PPARGC1B: variants seen among roughly 807,000 people sequenced by gnomAD.
PPARGC1B encodes PPARG coactivator 1 beta.
In PPARGC1B, 34 loss-of-function variants were observed where a neutral mutation model predicts 101.6. The observed-to-expected ratio is 0.33, with a 90% CI of 0.25 to 0.45. The LOEUF (loss-of-function observed/expected upper bound fraction) is 0.45, where lower values mean the gene tolerates loss of function less well. Ranked by LOEUF, PPARGC1B falls within the 20% of genes least tolerant of loss-of-function variation. The pLI, the probability that PPARGC1B is intolerant of heterozygous loss-of-function variation, is 1.00. For synonymous variants in PPARGC1B, 548 were observed against 539.3 expected, an observed-to-expected ratio of 1.02 and a Z score of -0.22; for missense variants, 1,234 against 1,317.6, an observed-to-expected ratio of 0.94 and a Z score of 0.98.
intron 1 of PPARGC1B, among the ~76,000 whole-genome samples, chr5:149,764,042 T>C (rs1480369433): frequency 1.3e-5 from 2 of 152,222 alleles, no homozygotes; most frequent in Non-Finnish European, 2.9e-5. Flanking sequence ...GAGTATGGAC[T>C]CTCTTAATGT....
At chr5:149,819,972 T>C (rs1385249486) in intron 1 of PPARGC1B, among the ~76,000 whole-genome samples, 3 of 152,088 alleles carry the variant, frequency 2.0e-5, no homozygotes, top group Non-Finnish European at 4.4e-5. Flanking sequence ...GGAACATGAA[T>C]GGGTGTTTCT....
intron 9 of PPARGC1B, among the ~76,000 whole-genome samples, chr5:149,841,767 G>A (rs374766599): frequency 1.3e-5 from 2 of 152,126 alleles, no homozygotes; most frequent in African/African-American, 2.4e-5. Context: ...TGAAGGTGAC[G>A]CCTTGGTGAC....
chr5:149,746,880 G>T (rs943411133), intron 1 of PPARGC1B, among the ~76,000 whole-genome samples: 7 of 151,978 alleles, frequency 4.6e-5, no homozygotes, highest in African/African-American at 1.7e-4. Flanking sequence ...GTGTTTACTG[G>T]CCATTTGCAT....
At chr5:149,783,101 G>GAGAA (rs1299362797) in intron 1 of PPARGC1B, among the ~76,000 whole-genome samples, 1 of 151,506 alleles carries the variant, frequency 6.6e-6, no homozygotes, top group East Asian at 1.9e-4. Context: ...AAGAGAGAGA[G>GAGAA]AGAGAGAGAT....
intron 1 of PPARGC1B, among the ~76,000 whole-genome samples, chr5:149,816,671 G>A (rs251464): frequency 6.6e-6 from 1 of 152,010 alleles, no homozygotes; most frequent in African/African-American, 2.4e-5. Flanking sequence ...AAGAAGCAAG[G>A]CCTACAAAGG....
intron 11 of PPARGC1B, 84 bp from the exon 12 acceptor site, chr5:149,847,374 T>C: frequency 3.0e-6 from 3 of 1,011,116 alleles, no homozygotes; most frequent in Non-Finnish European, 4.8e-6. Flanking sequence ...TGCCCACTCA[T>C]AGTGGCAGAT....
intron 8 of PPARGC1B, among the ~76,000 whole-genome samples, chr5:149,838,777 C>T (rs1466813213): frequency 1.3e-5 from 2 of 152,198 alleles, no homozygotes; most frequent in Non-Finnish European, 2.9e-5. Flanking sequence ...ATTGGGTAAC[C>T]TGGCTCCTGC....
In PPARGC1B at chr5:149,741,831, T is replaced by C. The variant is rs1754920735; in HGVS notation, c.78+11411T>C. 2.0e-5 allele frequency among the ~76,000 whole-genome samples: 3 copies of C among 152,074 alleles called. No individual in the cohort carries two copies. In the South Asian group the frequency reaches 6.2e-4, roughly 32 times the overall value. On this transcript the variant is annotated intron_variant, in intron 1 of 11. Coordinates refer to ENST00000309241, the MANE Select transcript of PPARGC1B (RefSeq NM_133263.4). ...TTTTAGTAGAGATGGGGTTTCACCA[T>C]GTTGGCTAGGCTGGTCTTGAACTCC...
Position 149,842,327 on chromosome 5 carries a change from T to C in PPARGC1B, c.2766T>C (p.Phe922=). Residue 922 remains phenylalanine (F), a synonymous_variant, in exon 10 of 12, where the codon TTT becomes TTC. Transcript: ENST00000309241. ...DMSSRELKRR[F]EVFGEIEECE... ...GCTCCCGAGAGCTGAAGAGGCGCTT[T>C]GAAGTGTTTGGTGAGATTGAGGAGT... 6.2e-7 allele frequency: 1 copy of C among 1,614,076 alleles called. No individual in the cohort carries two copies. The highest frequency in any genetic ancestry group is 8.5e-7 in the Non-Finnish European group (1 of 1,180,018).
chr5:149,833,141 C>T lies in PPARGC1B; in HGVS notation c.1068C>T (p.Ser356=). ...LLAQDVLCDV[S]KPYRLATPVY... is the part of the protein sequence containing the mutation. ...CTCAAGACGTGCTCTGTGATGTCAG[C>T]AAACCCTACCGTCTGGCCACGCCTG... is the stretch of plus-strand genomic sequence containing the variant. The change falls in exon 5 of 12, where the codon AGC becomes AGT. Residue 356 remains serine (S), a synonymous_variant. Coordinates refer to ENST00000309241, the MANE Select transcript of PPARGC1B (RefSeq NM_133263.4). This position sits in a 1 kb window ranked among gnomAD's most constrained non-coding sequence, Gnocchi z 4.1. 6.2e-7 allele frequency: 1 copy of T among 1,613,778 alleles called. No individual in the cohort carries two copies. The highest frequency in any genetic ancestry group is 8.5e-7 in the Non-Finnish European group (1 of 1,180,036).
In PPARGC1B at chr5:149,837,942, C is replaced by G. The variant is rs930179453; in HGVS notation, c.2618+869C>G. The stretch of plus-strand genomic sequence containing the variant: ...GCGCCTCCACTGGCCGGCCCACACC[C>G]GGGTGTCTGATCTGTAGGTCTGGGG... On this transcript the variant is annotated intron_variant, in intron 8 of 11. Transcript: ENST00000309241. This position sits in a 1 kb window ranked among gnomAD's most constrained non-coding sequence, Gnocchi z 4.2. 6.6e-6 allele frequency among the ~76,000 whole-genome samples: 1 copy of G among 152,052 alleles called. No homozygotes were observed. The highest frequency in any genetic ancestry group is 2.4e-5 in the African/African-American group (1 of 41,384).
intron 9 of PPARGC1B, 32 bp from the exon 10 acceptor site, chr5:149,842,224 C>T (rs577101343): frequency 3.0e-5 from 48 of 1,604,698 alleles, no homozygotes; most frequent in African/African-American, 4.0e-5. Flanking sequence ...CAGGCAATGA[C>T]GGAGTCTCTC....
rs970487486 is a variant in PPARGC1B, at chr5:149,854,127, T to C, written c.*6569T>C. ...TTGGACTCAAATTATTTTCTCTTGG[T>C]GTGACCACACAGCCTAGAGAATTCT... On this transcript the variant is annotated 3_prime_UTR_variant, in exon 12 of 12. Transcript: ENST00000309241. 6 of 152,156 alleles carry C rather than the reference T, an allele frequency of 3.9e-5. No homozygotes were observed. Among genetic ancestry groups the C allele is most frequent in the Admixed American group, 3.9e-4 (6 of 15,278 alleles). The allele number at this position is 152,156 out of a possible 1,614,324, so 9.4% of individuals were successfully genotyped here.
intron 1 of PPARGC1B, among the ~76,000 whole-genome samples, chr5:149,751,287 T>G (rs553970801): frequency 6.6e-6 from 1 of 152,342 alleles, no homozygotes; most frequent in South Asian, 2.1e-4. Flanking sequence ...TTTATTTACT[T>G]TTTTACCTTT....
rs571179724 is a variant in PPARGC1B, at chr5:149,746,691, G to A, written c.78+16271G>A. On this transcript the variant is annotated intron_variant, in intron 1 of 11. Transcript: ENST00000309241. ...GAACCACCATACTGTTTTCCATGGT[G>A]GCTGTACCATTTAACATTCCTACCA... Among the ~76,000 whole-genome samples the A allele has an allele frequency of 2.0e-5, 3 of 152,254 alleles. No homozygotes were observed. The East Asian group carries it at 5.8e-4, about 29-fold the overall frequency.
At chr5:149,737,541 C>T (rs1049905179) in intron 1 of PPARGC1B, among the ~76,000 whole-genome samples, 1 of 152,212 alleles carries the variant, frequency 6.6e-6, no homozygotes, top group Non-Finnish European at 1.5e-5. Context: ...GTTCCATCTT[C>T]TGTGTGGCAG....
intron 1 of PPARGC1B, among the ~76,000 whole-genome samples, chr5:149,739,007 C>G (rs1754822083): frequency 6.6e-6 from 1 of 152,218 alleles, no homozygotes; most frequent in African/African-American, 2.4e-5. Context: ...GGATTGAAAG[C>G]TCTGGGAGGA....
chr5:149,782,661 G>A (rs1238747884), intron 1 of PPARGC1B, among the ~76,000 whole-genome samples: 7 of 152,362 alleles, frequency 4.6e-5, no homozygotes, highest in Non-Finnish European at 1.0e-4. Flanking sequence ...AAGAGGGAGG[G>A]GAGGCTGGGT....
intron 1 of PPARGC1B, among the ~76,000 whole-genome samples, chr5:149,775,090 G>A (rs1377074918): frequency 6.6e-6 from 1 of 152,132 alleles, no homozygotes; most frequent in African/African-American, 2.4e-5. Flanking sequence ...TGAGGGTTGT[G>A]TAGGGGTGGA....
Sources: gnomAD v4.1 joint callset for allele counts (sites outside exome capture counted in the v4.1 genomes callset) on GRCh38, gnomAD v4.1.1 for gene constraint, Gnocchi (gnomAD v3.1) non-coding constraint, MANE v1.5 for transcripts, NCBI Gene and HGNC (gene_info 2026-07-23, HGNC 2026-07-21) for gene names.